CDH18: variants seen among roughly 807,000 people sequenced by gnomAD.
CDH18 encodes the protein cadherin 18.
In CDH18, 31 loss-of-function variants were observed where a neutral mutation model predicts 67.9. That is an observed-to-expected ratio of 0.46 (90% CI 0.34 to 0.62). The LOEUF (loss-of-function observed/expected upper bound fraction) is 0.62, where lower values mean the gene tolerates loss of function less well. CDH18 is among the 20% of genes least tolerant of loss of function. CDH18 has a pLI of 0.01. For missense variants in CDH18, 890 were observed against 975.5 expected, an observed-to-expected ratio of 0.91 and a Z score of 1.17; for synonymous variants, 362 against 347.2, an observed-to-expected ratio of 1.04 and a Z score of -0.48.
At chr5:20,146,501 G>C (rs951761236) in intron 2 of CDH18, among the ~76,000 whole-genome samples, 1 of 151,742 alleles carries the variant, frequency 6.6e-6, no homozygotes, top group Admixed American at 6.6e-5. Context: ...TTATCTTTAT[G>C]TATATCATTA....
chr5:20,437,449 C>T (rs1278184325), intron 1 of CDH18, among the ~76,000 whole-genome samples: 1 of 151,002 alleles, frequency 6.6e-6, no homozygotes, highest in Non-Finnish European at 1.5e-5. Flanking sequence ...TAATTTATGC[C>T]TAGAGTAATT....
intron 1 of CDH18, among the ~76,000 whole-genome samples, chr5:20,295,530 C>A (rs907836093): frequency 6.6e-6 from 1 of 152,038 alleles, no homozygotes; most frequent in African/African-American, 2.4e-5. Context: ...AGATCAAGAC[C>A]GTCCTGGCCA....
chr5:19,705,844 G>T (rs545209014), intron 5 of CDH18, among the ~76,000 whole-genome samples: 1 of 152,260 alleles, frequency 6.6e-6, no homozygotes, highest in African/African-American at 2.4e-5. Flanking sequence ...AGCTGACTTT[G>T]TGGGTATTCT....
At chr5:19,749,782 T>C (rs1221829424) in intron 3 of CDH18, among the ~76,000 whole-genome samples, 3 of 151,188 alleles carry the variant, frequency 2.0e-5, no homozygotes, top group Non-Finnish European at 4.4e-5. Context: ...TGAATCTGAC[T>C]CCACATGTAT....
intron 1 of CDH18, among the ~76,000 whole-genome samples, chr5:20,322,400 T>C (rs550063287): frequency 6.6e-6 from 1 of 152,222 alleles, no homozygotes; most frequent in Non-Finnish European, 1.5e-5. Flanking sequence ...TTGTATATAA[T>C]TTAATTAAAA....
chr5:19,726,255 C>T (rs1342712176), intron 4 of CDH18, among the ~76,000 whole-genome samples: 1 of 152,094 alleles, frequency 6.6e-6, no homozygotes, highest in African/African-American at 2.4e-5. Context: ...TTTAAAGTAA[C>T]AAAGGAAACT....
chr5:20,483,618 T>C (rs1166811796), intron 1 of CDH18, among the ~76,000 whole-genome samples: 1 of 150,090 alleles, frequency 6.7e-6, no homozygotes, highest in Non-Finnish European at 1.5e-5. Flanking sequence ...TATAAATTCA[T>C]ACCTGTACAG....
rs551722320 is a variant in CDH18 at position 19,842,594 on chromosome 5, T to C, written c.-256-3352A>G. 5.2e-4 allele frequency among the ~76,000 whole-genome samples: 79 copies of C among 152,330 alleles called. 4 individuals carry two copies. The South Asian group carries it at 0.014, about 26-fold the overall frequency. On this transcript the variant is annotated intron_variant, in intron 2 of 12. Transcript: ENST00000382275. ...TTTCCCAGGCTTGGGTATTTCTTTA[T>C]AGCAGCATGAAAATAAAATAATACA... is the stretch of plus-strand genomic sequence containing the variant.
intron 11 of CDH18, among the ~76,000 whole-genome samples, chr5:19,491,865 T>C (rs1741525749): frequency 6.6e-6 from 1 of 151,934 alleles, no homozygotes; most frequent in African/African-American, 2.4e-5. Flanking sequence ...AACAAAGTAA[T>C]AATGACACTC....
chr5:19,888,069 T>C (rs1323699324), intron 2 of CDH18, among the ~76,000 whole-genome samples: 2 of 152,116 alleles, frequency 1.3e-5, no homozygotes, highest in African/African-American at 4.8e-5. Context: ...CCTTATTCTA[T>C]TTGTCTCTTC....
chr5:20,056,680 CTTTTTTTTTTTTTTT>C (rs397758122), intron 2 of CDH18, among the ~76,000 whole-genome samples: 1 of 70,022 alleles, frequency 1.4e-5, no homozygotes, highest in Non-Finnish European at 2.6e-5. Flanking sequence ...TCTATATTCT[CTTTTTTTTTTTTTTT>C]TTTTTTTTGA....
chr5:19,775,574 C>T (rs1774275445), intron 3 of CDH18, among the ~76,000 whole-genome samples: 1 of 152,076 alleles, frequency 6.6e-6, no homozygotes, highest in African/African-American at 2.4e-5. Context: ...TTTAAATGAC[C>T]AGATTTCAGG....
At chr5:20,034,514 T>C (rs1302659445) in intron 2 of CDH18, among the ~76,000 whole-genome samples, 1 of 152,058 alleles carries the variant, frequency 6.6e-6, no homozygotes, top group African/African-American at 2.4e-5. Flanking sequence ...GAGATTAACA[T>C]TTGAATCAGT....
intron 4 of CDH18, among the ~76,000 whole-genome samples, chr5:19,728,586 T>A (rs575969799): frequency 6.6e-6 from 1 of 152,266 alleles, no homozygotes; most frequent in Admixed American, 6.5e-5. Flanking sequence ...CATAGACACA[T>A]ATCAATGAGA....
intron 5 of CDH18, among the ~76,000 whole-genome samples, chr5:19,716,828 T>C (rs764489059): frequency 1.3e-5 from 2 of 152,102 alleles, no homozygotes; most frequent in Non-Finnish European, 2.9e-5. Context: ...GTAGAATGTA[T>C]CAATGTAAAT....
intron 1 of CDH18, among the ~76,000 whole-genome samples, chr5:20,299,055 G>T (rs1420661983): frequency 5.3e-5 from 8 of 152,104 alleles, no homozygotes; most frequent in Admixed American, 5.2e-4. Context: ...ATGAATCATA[G>T]AACAGATTTT....
intron 2 of CDH18, among the ~76,000 whole-genome samples, chr5:20,192,826 C>T (rs1451753140): frequency 6.6e-6 from 1 of 152,074 alleles, no homozygotes; most frequent in Non-Finnish European, 1.5e-5. Context: ...ATTATCTTGG[C>T]TATACGAGGT....
chr5:19,907,552 T>C (rs1033803421), intron 2 of CDH18, among the ~76,000 whole-genome samples: 1 of 152,052 alleles, frequency 6.6e-6, no homozygotes, highest in Non-Finnish European at 1.5e-5. Context: ...GTTATGTCAG[T>C]ATTCAAACAG....
At chr5:20,357,866 T>C (rs1207237267) in intron 1 of CDH18, among the ~76,000 whole-genome samples, 1 of 152,020 alleles carries the variant, frequency 6.6e-6, no homozygotes, top group East Asian at 1.9e-4. Flanking sequence ...TGCAGCACTA[T>C]TTGCAATAGC....
Sources: allele counts gnomAD v4.1 joint callset (sites outside exome capture counted in the v4.1 genomes callset), GRCh38; gene constraint gnomAD v4.1.1; transcripts MANE v1.5; gene names NCBI Gene and HGNC (gene_info 2026-07-23, HGNC 2026-07-21).